Variants in MRE11 observed in about 807,000 individuals in gnomAD.
MRE11 encodes the protein MRE11 double strand break repair nuclease.
A neutral mutation model predicts 91.7 loss-of-function variants in MRE11; 62 were observed. That is an observed-to-expected ratio of 0.68 (90% CI 0.55 to 0.84). The LOEUF (loss-of-function observed/expected upper bound fraction) is 0.84, where lower values mean the gene tolerates loss of function less well. MRE11 is among the 40% of genes least tolerant of loss of function. MRE11 has a pLI of 0.00. For missense variants in MRE11, 796 were observed against 852.9 expected (o/e 0.93, Z 0.83); for synonymous variants, 273 against 271.4 (o/e 1.01, Z -0.06).
rs898465138 is a variant in MRE11 at position 94,477,803 on chromosome 11, G to C, written c.544+932C>G. Reference sequence around the variant, plus strand: ...TTAGCCAGATGGCAGAAGCTTAAAGGGAACAGTGTGTTTGCAGGCAGAAAA... The same window carrying C: ...TTAGCCAGATGGCAGAAGCTTAAAGCGAACAGTGTGTTTGCAGGCAGAAAA... On this transcript the variant is annotated intron_variant, in intron 6 of 19. Transcript: ENST00000323929. 9.4e-5 allele frequency among the ~76,000 whole-genome samples: 5 copies of C among 52,938 alleles called. No individual in the cohort carries two copies. The South Asian group carries it at 3.9e-3, about 42-fold the overall frequency. 34.7% of individuals were successfully genotyped at this position (52,938 alleles called of 152,430 possible).
chr11:94,481,104 T>A (rs1159785429), intron 4 of MRE11, among the ~76,000 whole-genome samples: 1 of 151,846 alleles, frequency 6.6e-6, no homozygotes, highest in Admixed American at 6.6e-5. Context: ...AGGTCAGGAG[T>A]TCGAGATGAG....
chr11:94,426,967 G>C (rs978887640), intron 19 of MRE11, among the ~76,000 whole-genome samples: 3 of 152,098 alleles, frequency 2.0e-5, no homozygotes, highest in Non-Finnish European at 2.9e-5. Flanking sequence ...TATTCTATCA[G>C]ACATACAAAG....
At chr11:94,437,350 CTAA>C (rs1348029810) in intron 16 of MRE11, 115 bp from the exon 17 acceptor site, 3 of 856,834 alleles carry the variant, frequency 3.5e-6, no homozygotes, top group Non-Finnish European at 3.7e-6. Context: ...TGAATGATGC[CTAA>C]TTATAAAACT....
chr11:94,494,027 T>G (rs1947369018), upstream of MRE11: 1 of 152,354 alleles, frequency 6.6e-6, no homozygotes, highest in Non-Finnish European at 1.5e-5. Flanking sequence ...CGATTTTCCC[T>G]TCTGTCAGGT....
At chr11:94,506,479 AAGAG>A in the MRE11 span, among the ~76,000 whole-genome samples, 2 of 152,200 alleles carry the variant, frequency 1.3e-5, no homozygotes, top group African/African-American at 4.8e-5. Context: ...GCCATTTAGA[AAGAG>A]AAAGAAGGAA....
chr11:94,430,186 T>C (rs1945426825), intron 18 of MRE11, among the ~76,000 whole-genome samples, 200 bp from the exon 19 acceptor site: 1 of 152,230 alleles, frequency 6.6e-6, no homozygotes, highest in African/African-American at 2.4e-5. Context: ...GGTTTTGCCC[T>C]TTACTACCTA....
Position 94,474,798 on chromosome 11 carries a change from T to C in MRE11, c.659+1491A>G, listed in dbSNP as rs115097684. 5.9e-3 allele frequency among the ~76,000 whole-genome samples: 903 copies of C among 152,302 alleles called. 5 individuals carry two copies. Among genetic ancestry groups the C allele is most frequent in the African/African-American group, 0.02 (818 of 41,560 alleles). ...TACCCATTCCCCTTACCAATGCTGC[T>C]ATTCTACCTTTCATTTGGCTTAAAT... On this transcript the variant is annotated intron_variant, in intron 7 of 19. Transcript: ENST00000323929.
intron 2 of MRE11, among the ~76,000 whole-genome samples, chr11:94,492,469 T>C (rs1369027240): frequency 6.6e-6 from 1 of 152,202 alleles, no homozygotes; most frequent in Non-Finnish European, 1.5e-5. Flanking sequence ...CATTGACTAA[T>C]AAGAATTTGT....
intron 16 of MRE11, among the ~76,000 whole-genome samples, chr11:94,439,778 T>G (rs1565208053): frequency 1.3e-5 from 2 of 152,164 alleles, no homozygotes; most frequent in Non-Finnish European, 2.9e-5. Flanking sequence ...GAACACTCAT[T>G]CCTAAAGATG....
upstream of MRE11, chr11:94,498,858 A>G: frequency 3.6e-6 from 1 of 279,954 alleles, no homozygotes; most frequent in East Asian, 9.3e-5. Context: ...AATATCCCAC[A>G]TCCTGGATCT....
chr11:94,503,878 C>G, the MRE11 span, among the ~76,000 whole-genome samples: 1 of 139,678 alleles, frequency 7.2e-6, no homozygotes, highest in Non-Finnish European at 1.5e-5. Context: ...AGTATTGAGA[C>G]AGTGTAGTAT....
intron 4 of MRE11, among the ~76,000 whole-genome samples, chr11:94,482,277 G>GAGT (rs1319706356): frequency 6.6e-6 from 1 of 152,222 alleles, no homozygotes; most frequent in African/African-American, 2.4e-5. Context: ...AACTAAGGTA[G>GAGT]AGTAGTTAAG....
At position 94,479,763 on chromosome 11, in the gene MRE11, T is replaced by C. The variant is rs876659145; in HGVS notation, c.315-2A>G. The C allele has an allele frequency of 2.5e-6, 4 of 1,608,660 alleles. No individual in the cohort carries two copies. Among genetic ancestry groups the C allele is most frequent in the Non-Finnish European group, 3.4e-6 (4 of 1,178,584 alleles). On this transcript the variant is annotated splice_acceptor_variant, in intron 4 of 19. Coordinates refer to ENST00000323929, the MANE Select transcript of MRE11 (RefSeq NM_005591.4). LOFTEE classifies it high-confidence loss of function. ...TCTTGATAGTTCACCCATGGAAACC[T>C]TAAAAAAAAAAAGTTACTTAAAATT...
In MRE11 at chr11:94,478,082, G is replaced by A. The variant is rs12279176; in HGVS notation, c.544+653C>T. Among the ~76,000 whole-genome samples, 1,066 of 152,272 alleles carry A rather than the reference G, an allele frequency of 7.0e-3. 7 individuals carry two copies. The highest frequency in any genetic ancestry group is 0.024 in the African/African-American group (978 of 41,552). On this transcript the variant is annotated intron_variant, in intron 6 of 19. Transcript: ENST00000323929. ...AGGGTGGAGACAGAGTCCAGTTAAG[G>A]AAGGTATAATAGAACAGGATAAGAT...
chr11:94,483,523 C>G (rs1474072223), intron 4 of MRE11, among the ~76,000 whole-genome samples: 1 of 152,156 alleles, frequency 6.6e-6, no homozygotes, highest in Non-Finnish European at 1.5e-5. Context: ...AGTTTCCCAG[C>G]ACAACCTCTC....
the MRE11 span, among the ~76,000 whole-genome samples, chr11:94,507,806 C>T: frequency 2.0e-5 from 3 of 151,718 alleles, no homozygotes; most frequent in African/African-American, 7.3e-5. Flanking sequence ...AGTGCTTCAT[C>T]TTTCTCCATT....
intron 6 of MRE11, 68 bp from the exon 7 acceptor site, chr11:94,476,471 C>T (rs1946861379): frequency 1.9e-6 from 2 of 1,051,660 alleles, no homozygotes; most frequent in Non-Finnish European, 2.9e-6. Flanking sequence ...ATCTATTTTG[C>T]TTCTAAATTA....
Position 94,419,116 on chromosome 11 carries a change from G to C in MRE11, c.*1009C>G, listed in dbSNP as rs1221336827. The C allele has an allele frequency of 4.3e-6, 1 of 232,308 alleles. No homozygotes were observed. Among genetic ancestry groups the C allele is most frequent in the African/African-American group, 2.2e-5 (1 of 45,288 alleles). The allele number at this position is 232,308 out of a possible 1,614,324, so 14.4% of individuals were successfully genotyped here. On this transcript the variant is annotated 3_prime_UTR_variant, in exon 20 of 20. Transcript: ENST00000323929. ...GAATGGGATTATTTAACTTAAATCT[G>C]AAGATGTCTAATTCTTATTTCTCCC...
intron 19 of MRE11, among the ~76,000 whole-genome samples, chr11:94,427,086 C>T (rs1044465385): frequency 1.3e-5 from 2 of 152,114 alleles, no homozygotes; most frequent in South Asian, 4.1e-4. Context: ...GGCAGAGACA[C>T]AACAAAACAA....
Sources: gnomAD v4.1 joint callset for allele counts (sites outside exome capture counted in the v4.1 genomes callset) on GRCh38, gnomAD v4.1.1 for gene constraint, MANE v1.5 for transcripts, NCBI Gene and HGNC (gene_info 2026-07-23, HGNC 2026-07-21) for gene names.